Variants in SEMA5A observed in about 807,000 individuals in gnomAD.
SEMA5A encodes semaphorin-5A.
A neutral mutation model predicts 135.5 loss-of-function variants in SEMA5A; 55 were observed. The ratio of observed to expected loss-of-function variants is 0.41; its 90% CI spans 0.33 to 0.51. The LOEUF (loss-of-function observed/expected upper bound fraction) is 0.51, where lower values mean the gene tolerates loss of function less well. SEMA5A is among the 20% of genes least tolerant of loss of function. The pLI, the probability that SEMA5A is intolerant of heterozygous loss-of-function variation, is 0.37. For synonymous variants in SEMA5A, 580 were observed against 546.5 expected (o/e 1.06, Z -0.85); for missense variants, 1,290 against 1,419.9 (o/e 0.91, Z 1.47).
chr5:9,075,462 C>T (rs1737998542), intron 16 of SEMA5A, among the ~76,000 whole-genome samples: 1 of 151,582 alleles, frequency 6.6e-6, no homozygotes, highest in Non-Finnish European at 1.5e-5. Context: ...AACGAATAAT[C>T]TTATGGAATA....
intron 16 of SEMA5A, among the ~76,000 whole-genome samples, chr5:9,083,352 C>T (rs1054773848): frequency 1.3e-5 from 2 of 152,028 alleles, no homozygotes; most frequent in Non-Finnish European, 2.9e-5. Context: ...TAATTATGTT[C>T]CTCTTAAATT....
At chr5:9,465,280 T>C (rs1177782998) in intron 1 of SEMA5A, among the ~76,000 whole-genome samples, 2 of 152,226 alleles carry the variant, frequency 1.3e-5, no homozygotes, top group Non-Finnish European at 2.9e-5. Context: ...GAAATAAGAA[T>C]CTTATGTAAA....
chr5:9,220,473 AC>A (rs1746877616), intron 8 of SEMA5A, among the ~76,000 whole-genome samples: 1 of 152,162 alleles, frequency 6.6e-6, no homozygotes, highest in African/African-American at 2.4e-5. Flanking sequence ...CAACAAAAAA[AC>A]TTCAGAATAG....
chr5:9,137,039 C>A (rs550765772), intron 12 of SEMA5A, among the ~76,000 whole-genome samples: 20 of 152,154 alleles, frequency 1.3e-4, no homozygotes, highest in Non-Finnish European at 2.4e-4. Context: ...AACTATAATA[C>A]AAACTATCAT....
chr5:9,396,596 G>A (rs1365185810), intron 2 of SEMA5A, among the ~76,000 whole-genome samples: 27 of 151,880 alleles, frequency 1.8e-4, no homozygotes, highest in Admixed American at 1.8e-3. Context: ...CCTACCTAAA[G>A]CACCCCAGAG....
chr5:9,401,001 C>G (rs1292763683), intron 2 of SEMA5A, among the ~76,000 whole-genome samples: 1 of 152,128 alleles, frequency 6.6e-6, no homozygotes, highest in Non-Finnish European at 1.5e-5. Flanking sequence ...GGAACTCACT[C>G]TCCTCTCCAA....
chr5:9,243,589 A>C (rs898665534), intron 5 of SEMA5A, among the ~76,000 whole-genome samples: 1 of 152,202 alleles, frequency 6.6e-6, no homozygotes, highest in African/African-American at 2.4e-5. Flanking sequence ...GCCACAAATT[A>C]GTTGCCAATT....
intron 3 of SEMA5A, among the ~76,000 whole-genome samples, chr5:9,354,078 GC>G (rs578150078): frequency 2.0e-5 from 3 of 151,980 alleles, no homozygotes; most frequent in African/African-American, 4.8e-5. Context: ...AGAGAGCTCA[GC>G]ATGCCACACC....
chr5:9,144,104 G>C (rs1195863396), intron 12 of SEMA5A, among the ~76,000 whole-genome samples: 3 of 152,156 alleles, frequency 2.0e-5, no homozygotes, highest in African/African-American at 7.2e-5. Flanking sequence ...TTCATTCAGG[G>C]AGAAACCCAC....
chr5:9,346,604 C>T (rs1753880835), intron 3 of SEMA5A, among the ~76,000 whole-genome samples: 1 of 152,204 alleles, frequency 6.6e-6, no homozygotes, highest in Non-Finnish European at 1.5e-5. Context: ...ACCCTGGCTC[C>T]TGCATCTGCT....
chr5:9,088,659 T>TATATATATATATATATATACACACACAC, intron 16 of SEMA5A, among the ~76,000 whole-genome samples: 1 of 112,890 alleles, frequency 8.9e-6, no homozygotes, highest in African/African-American at 4.3e-5. Flanking sequence ...TATATATATA[T>TATATATATATATATATATACACACACAC]ACACACACAC....
chr5:9,207,851 TGATAGATA>T lies in SEMA5A; in HGVS notation c.647-5619_647-5612del, dbSNP rs55679317. ...GAGGTTTCTACTAAAAGACAGATGATGATAGATAGATAGATAGATAGATAGATAGATAG... is the reference window on the plus strand; with the variant it reads ...GAGGTTTCTACTAAAAGACAGATGATGATAGATAGATAGATAGATAGATAG... On this transcript the variant is annotated intron_variant, in intron 8 of 22. Coordinates refer to ENST00000382496, the MANE Select transcript of SEMA5A (RefSeq NM_003966.3). Among the ~76,000 whole-genome samples the T allele has an allele frequency of 9.4e-3, 1,374 of 146,082 alleles. 6 individuals carry two copies. Among genetic ancestry groups the T allele is most frequent in the East Asian group, 0.029 (147 of 5,068 alleles).
At chr5:9,049,140 T>G (rs1407816269) in intron 21 of SEMA5A, among the ~76,000 whole-genome samples, 1 of 146,216 alleles carries the variant, frequency 6.8e-6, no homozygotes, top group African/African-American at 2.5e-5. Flanking sequence ...TCACAGATAG[T>G]GAGCTCTTCT....
At chr5:9,139,082 A>G (rs1198979162) in intron 12 of SEMA5A, among the ~76,000 whole-genome samples, 1 of 152,186 alleles carries the variant, frequency 6.6e-6, no homozygotes, top group African/African-American at 2.4e-5. Flanking sequence ...CTTTTTTCAT[A>G]TAATGACTTC....
chr5:9,359,142 C>A (rs2126360768), intron 3 of SEMA5A, among the ~76,000 whole-genome samples: 1 of 152,232 alleles, frequency 6.6e-6, no homozygotes, highest in Admixed American at 6.5e-5. Context: ...ACCACAGTAG[C>A]AGCTCCTCCC....
intron 5 of SEMA5A, among the ~76,000 whole-genome samples, chr5:9,244,054 A>G (rs1477396879): frequency 1.3e-5 from 2 of 152,208 alleles, no homozygotes; most frequent in Admixed American, 1.3e-4. Context: ...CAGCCCTAGA[A>G]TCGATTTTAA....
At chr5:9,168,532 G>C (rs577641902) in intron 11 of SEMA5A, among the ~76,000 whole-genome samples, 4 of 152,284 alleles carry the variant, frequency 2.6e-5, no homozygotes, top group Admixed American at 6.5e-5. Flanking sequence ...TGTGGGTGAG[G>C]GGGAGGAGGA....
intron 1 of SEMA5A, among the ~76,000 whole-genome samples, chr5:9,502,657 T>G (rs1280934768): frequency 6.6e-6 from 1 of 152,158 alleles, no homozygotes; most frequent in Admixed American, 6.5e-5. Flanking sequence ...CTTGGCAGGC[T>G]CGCAGAGAAA....
At chr5:9,201,694 A>G (rs1371426305) in intron 9 of SEMA5A, among the ~76,000 whole-genome samples, 1 of 152,228 alleles carries the variant, frequency 6.6e-6, no homozygotes, top group Non-Finnish European at 1.5e-5. Flanking sequence ...AATTTATAAT[A>G]GAATAATTTA....
Sources: allele counts gnomAD v4.1 joint callset (sites outside exome capture counted in the v4.1 genomes callset), GRCh38; gene constraint gnomAD v4.1.1; transcripts MANE v1.5; gene names NCBI Gene and HGNC (gene_info 2026-07-23, HGNC 2026-07-21).